The following SGCZ variants were observed in gnomAD, a reference collection of about 807,000 sequenced individuals.
SGCZ encodes the protein zeta-sarcoglycan.
Under a neutral mutation model 41.3 loss-of-function variants are expected in SGCZ, and 40 were observed. That is an observed-to-expected ratio of 0.97 (90% CI 0.75 to 1.26). The LOEUF is 1.26. Ranked by LOEUF, SGCZ falls within the 50% of genes most tolerant of loss-of-function variation. The probability of loss-of-function intolerance (pLI) is 0.00; values close to 1 mark genes in which losing one functional copy is unlikely to be tolerated. For missense variants in SGCZ, 552 were observed against 369.8 expected, an observed-to-expected ratio of 1.49 and a Z score of -4.04; for synonymous variants, 206 against 137.5, an observed-to-expected ratio of 1.50 and a Z score of -3.49.
At chr8:14,845,048 G>C (rs1803052313) in intron 1 of SGCZ, among the ~76,000 whole-genome samples, 2 of 152,100 alleles carry the variant, frequency 1.3e-5, no homozygotes, top group African/African-American at 4.8e-5. Flanking sequence ...CTGCATAGAG[G>C]GTGAATTCTG....
intron 1 of SGCZ, among the ~76,000 whole-genome samples, chr8:14,645,035 A>C (rs1043594802): frequency 6.6e-6 from 1 of 151,496 alleles, no homozygotes; most frequent in Admixed American, 6.6e-5. Flanking sequence ...TCTGAGCCTT[A>C]ATAAATCAAA....
At chr8:14,287,898 G>A (rs1169534079) in intron 3 of SGCZ, among the ~76,000 whole-genome samples, 2 of 152,086 alleles carry the variant, frequency 1.3e-5, no homozygotes, top group Non-Finnish European at 2.9e-5. Context: ...AATGGTCTGA[G>A]AATTTGATGA....
At chr8:15,166,200 G>C (rs1024848994) in intron 1 of SGCZ, among the ~76,000 whole-genome samples, 1 of 151,492 alleles carries the variant, frequency 6.6e-6, no homozygotes, top group African/African-American at 2.4e-5. Flanking sequence ...GACATGTTCA[G>C]GTACATGGGA....
chr8:14,627,467 G>C (rs1806499646), intron 1 of SGCZ, among the ~76,000 whole-genome samples: 2 of 151,940 alleles, frequency 1.3e-5, no homozygotes, highest in Admixed American at 1.3e-4. Context: ...TACTTCAGTG[G>C]ATTTTCCACT....
intron 1 of SGCZ, among the ~76,000 whole-genome samples, chr8:15,039,612 G>C (rs1418320582): frequency 6.6e-6 from 1 of 152,124 alleles, no homozygotes; most frequent in Admixed American, 6.6e-5. Context: ...ACTTTGTTGA[G>C]AATATTTCCA....
chr8:14,903,471 A>C (rs1435168958), intron 1 of SGCZ, among the ~76,000 whole-genome samples: 3 of 152,126 alleles, frequency 2.0e-5, no homozygotes, highest in Non-Finnish European at 4.4e-5. Context: ...AGTAAATGCA[A>C]ATGGGTTATC....
intron 1 of SGCZ, among the ~76,000 whole-genome samples, chr8:14,683,695 T>C (rs192102306): frequency 2.6e-5 from 4 of 152,292 alleles, no homozygotes; most frequent in Admixed American, 2.0e-4. Context: ...AGTACAAGTG[T>C]ATAATTCTTC....
intron 4 of SGCZ, among the ~76,000 whole-genome samples, chr8:14,231,196 T>TGTGTGTG (rs1554483289): frequency 5.0e-4 from 51 of 101,340 alleles, no homozygotes; most frequent in Middle Eastern, 0.012. Context: ...TGTGTGTGTG[T>TGTGTGTG]AGTGGGGAGA....
intron 1 of SGCZ, among the ~76,000 whole-genome samples, chr8:14,607,037 C>G (rs1805773054): frequency 6.6e-6 from 1 of 152,084 alleles, no homozygotes; most frequent in Non-Finnish European, 1.5e-5. Context: ...ATGAGAAAAT[C>G]ACTGATCCGA....
intron 1 of SGCZ, among the ~76,000 whole-genome samples, chr8:15,044,239 A>T (rs895469558): frequency 1.3e-5 from 2 of 152,172 alleles, no homozygotes; most frequent in Admixed American, 1.3e-4. Flanking sequence ...TTTGCTTGCC[A>T]CATGTCCATT....
chr8:14,311,316 C>T (rs1801535023), intron 3 of SGCZ, among the ~76,000 whole-genome samples: 2 of 152,106 alleles, frequency 1.3e-5, no homozygotes, highest in African/African-American at 2.4e-5. Context: ...ACAAGCACCA[C>T]CATAGTTCCA....
intron 1 of SGCZ, among the ~76,000 whole-genome samples, chr8:14,984,224 A>G (rs1157094686): frequency 6.6e-5 from 10 of 152,186 alleles, no homozygotes; most frequent in Non-Finnish European, 1.0e-4. Context: ...ATTTTGAAGT[A>G]AATTCCAGAC....
chr8:14,893,253 G>A (rs1805081648), intron 1 of SGCZ, among the ~76,000 whole-genome samples: 1 of 151,984 alleles, frequency 6.6e-6, no homozygotes, highest in Non-Finnish European at 1.5e-5. Flanking sequence ...GGAGGAAGGA[G>A]GCTAAAAGCA....
intron 2 of SGCZ, among the ~76,000 whole-genome samples, chr8:14,382,204 A>G (rs944451725): frequency 1.3e-5 from 2 of 152,188 alleles, no homozygotes; most frequent in African/African-American, 4.8e-5. Context: ...ATGAAATTAG[A>G]TATCATCACC....
intron 4 of SGCZ, among the ~76,000 whole-genome samples, chr8:14,174,473 G>T (rs1367727137): frequency 6.6e-6 from 1 of 152,044 alleles, no homozygotes; most frequent in African/African-American, 2.4e-5. Context: ...ACAGAGAGGA[G>T]ACTGAATGAA....
intron 1 of SGCZ, among the ~76,000 whole-genome samples, chr8:15,204,515 T>G (rs1801000130): frequency 1.3e-5 from 2 of 152,274 alleles, no homozygotes; most frequent in African/African-American, 2.4e-5. Flanking sequence ...ACTCAAAATT[T>G]TGGGCATTCT....
intron 2 of SGCZ, among the ~76,000 whole-genome samples, chr8:14,325,496 T>C (rs1344637151): frequency 6.8e-6 from 1 of 147,930 alleles, no homozygotes; most frequent in East Asian, 1.9e-4. Context: ...TAATAGATTA[T>C]ATATAATCAT....
chr8:15,000,409 G>T (rs568945413), intron 1 of SGCZ, among the ~76,000 whole-genome samples: 1 of 152,306 alleles, frequency 6.6e-6, no homozygotes, highest in Non-Finnish European at 1.5e-5. Flanking sequence ...TAGGCAGATA[G>T]TAAGGGTTAT....
At chr8:14,543,075 G>C (rs111488249) in intron 2 of SGCZ, among the ~76,000 whole-genome samples, 1 of 151,690 alleles carries the variant, frequency 6.6e-6, no homozygotes, top group African/African-American at 2.4e-5. Flanking sequence ...TGTCTGTTCT[G>C]CTTGGATATT....
Sources: allele counts gnomAD v4.1 joint callset (sites outside exome capture counted in the v4.1 genomes callset), GRCh38; gene constraint gnomAD v4.1.1; transcripts MANE v1.5; gene names NCBI Gene and HGNC (gene_info 2026-07-23, HGNC 2026-07-21).